TET3: variants seen among roughly 807,000 people sequenced by gnomAD.
TET3 encodes methylcytosine dioxygenase TET3.
TET3 carries 19 observed loss-of-function variants against 141.4 expected under a neutral mutation model. That is an observed-to-expected ratio of 0.13 (90% CI 0.09 to 0.20). TET3 has a LOEUF of 0.20. Ranked by LOEUF, TET3 falls within the 10% of genes least tolerant of loss-of-function variation. The probability of loss-of-function intolerance (pLI) is 1.00; values close to 1 mark genes in which losing one functional copy is unlikely to be tolerated. For missense variants in TET3, 1,874 were observed against 2,356.9 expected, an observed-to-expected ratio of 0.80 and a Z score of 4.24; for synonymous variants, 1,043 against 980.9, an observed-to-expected ratio of 1.06 and a Z score of -1.18.
intron 4 of TET3, among the ~76,000 whole-genome samples, chr2:74,060,108 T>C (rs1442219707): frequency 6.6e-6 from 1 of 152,226 alleles, no homozygotes; most frequent in Non-Finnish European, 1.5e-5. Flanking sequence ...AAAGTGGTTG[T>C]TACAGTTTAA....
chr2:74,008,494 C>A (rs1354936571), intron 3 of TET3, among the ~76,000 whole-genome samples: 1 of 152,150 alleles, frequency 6.6e-6, no homozygotes. Flanking sequence ...AGGCAGGGCA[C>A]CTTGAATTTT....
At chr2:74,086,861 A>C (rs1284395847) in intron 6 of TET3, among the ~76,000 whole-genome samples, 1 of 151,792 alleles carries the variant, frequency 6.6e-6, no homozygotes, top group African/African-American at 2.4e-5. Context: ...TTCAGTGTAC[A>C]GGTTGGTGGC....
At chr2:74,130,132 C>T in the TET3 span, among the ~76,000 whole-genome samples, 2 of 150,784 alleles carry the variant, frequency 1.3e-5, no homozygotes, top group Non-Finnish European at 2.9e-5. Context: ...AGTATAGACA[C>T]TTGGGTTCAC....
rs190621770 is a variant in TET3 at position 74,014,144 on chromosome 2, C to G, written c.360+10978C>G. ...CTAAAGTATTAATTTCTACTGTAGT[C>G]TTATATAAATTGTCATCTTTTCCTT... On this transcript the variant is annotated intron_variant, in intron 3 of 11. Transcript: ENST00000409262. Among the ~76,000 whole-genome samples the G allele has an allele frequency of 1.7e-4, 26 of 152,128 alleles. 1 individual carries two copies. Among genetic ancestry groups the G allele is most frequent in the Admixed American group, 1.3e-3 (20 of 15,274 alleles).
chr2:73,985,428 G>A (rs1683966853), intron 1 of TET3, among the ~76,000 whole-genome samples: 1 of 144,382 alleles, frequency 6.9e-6, no homozygotes, highest in South Asian at 2.1e-4. Context: ...CGCGCGGCCC[G>A]GCCCGCGGCT....
chr2:74,112,256 T>A (rs149781540), downstream of TET3, among the ~76,000 whole-genome samples: 1 of 152,262 alleles, frequency 6.6e-6, no homozygotes, highest in Non-Finnish European at 1.5e-5. Flanking sequence ...GTCTTTTATC[T>A]GATTATCTCC....
intron 3 of TET3, among the ~76,000 whole-genome samples, chr2:74,008,872 C>T (rs1305540120): frequency 6.6e-6 from 1 of 152,138 alleles, no homozygotes; most frequent in Admixed American, 6.5e-5. Context: ...CCTCCGAGGC[C>T]TGGAACTTTT....
rs148928444 is a variant in TET3 at position 74,018,682 on chromosome 2, T to C, written c.360+15516T>C. Among the ~76,000 whole-genome samples, 18 of 152,126 alleles carry C rather than the reference T, an allele frequency of 1.2e-4. 1 individual carries two copies. The highest frequency in any genetic ancestry group is 3.9e-4 in the African/African-American group (16 of 41,382). ...ATTGACTTATTTGTCTGATTCTGTG[T>C]ATTTCATTGTTTTAATTACCACCAT... On this transcript the variant is annotated intron_variant, in intron 3 of 11. Coordinates refer to ENST00000409262, the MANE Select transcript of TET3 (RefSeq NM_001287491.2).
chr2:74,025,384 C>G (rs1440264493), intron 3 of TET3, among the ~76,000 whole-genome samples: 2 of 150,548 alleles, frequency 1.3e-5, no homozygotes, highest in Non-Finnish European at 3.0e-5. Context: ...TGCCTCCCGG[C>G]TTCACGCCAT....
At chr2:73,995,239 C>T (rs979684218) in intron 2 of TET3, among the ~76,000 whole-genome samples, 1 of 152,346 alleles carries the variant, frequency 6.6e-6, no homozygotes. Flanking sequence ...AGATTATAGG[C>T]GTGAGCCACT....
At chr2:74,090,087 C>T in intron 8 of TET3, 40 bp downstream of exon 8, 1 of 1,606,762 alleles carries the variant, frequency 6.2e-7, no homozygotes. Flanking sequence ...CCCATCCTTT[C>T]TCGCCTGGCG....
At chr2:74,003,424 GT>G (rs768499958) in intron 3 of TET3, among the ~76,000 whole-genome samples, 17,328 of 130,022 alleles carry the variant, frequency 0.13, 902 homozygotes, top group African/African-American at 0.15. Flanking sequence ...TTGTTGAACT[GT>G]TTTTTTTTTT....
At chr2:74,035,141 G>A (rs1314261514) in intron 3 of TET3, among the ~76,000 whole-genome samples, 2 of 148,046 alleles carry the variant, frequency 1.4e-5, no homozygotes, top group African/African-American at 5.0e-5. Flanking sequence ...GGCGGAGCTT[G>A]CAGTGAGCCA....
At position 74,037,688 on chromosome 2, in the gene TET3, T is replaced by C. The variant is rs544295405; in HGVS notation, c.361-8590T>C. On this transcript the variant is annotated intron_variant, in intron 3 of 11. Transcript: ENST00000409262. Reference sequence around the variant, plus strand: ...CTTCTTGGACATGGTTCTTCTAATATGGTGTGTAACTGCTGACAGTCAGCA... The same window carrying C: ...CTTCTTGGACATGGTTCTTCTAATACGGTGTGTAACTGCTGACAGTCAGCA... Among the ~76,000 whole-genome samples, 147 of 152,334 alleles carry C rather than the reference T, an allele frequency of 9.6e-4. 1 individual carries two copies. The highest frequency in any genetic ancestry group is 3.4e-3 in the African/African-American group (143 of 41,568).
chr2:74,079,247 T>C (rs1689675479), intron 5 of TET3, among the ~76,000 whole-genome samples: 1 of 152,104 alleles, frequency 6.6e-6, no homozygotes. Context: ...CTCGGGAGGC[T>C]GAGGCAGAGA....
At position 74,003,849 on chromosome 2, in the gene TET3, C is replaced by A. The variant is rs868803825; in HGVS notation, c.360+683C>A. Among the ~76,000 whole-genome samples, 9 of 110,674 alleles carry A rather than the reference C, an allele frequency of 8.1e-5. No homozygotes were observed. The South Asian group carries it at 1.1e-3, about 14-fold the overall frequency. The allele number at this position is 110,674 out of a possible 152,430, so 72.6% of individuals were successfully genotyped here. A position where few individuals can be genotyped will look rare whatever the true frequency, so the allele number is the denominator to read the frequency against. On this transcript the variant is annotated intron_variant, in intron 3 of 11. Transcript: ENST00000409262. ...GCACTGAGCTTCTCCTTGTGGTTGT[C>A]TGGGGGGCGGGGAGCTGGGGTGTTT... is the stretch of plus-strand genomic sequence containing the variant.
At chr2:74,130,298 C>T in the TET3 span, among the ~76,000 whole-genome samples, 24 of 152,256 alleles carry the variant, frequency 1.6e-4, no homozygotes, top group African/African-American at 5.5e-4. Flanking sequence ...AGTTCACAGC[C>T]ACAGGGTATC....
At position 74,046,770 on chromosome 2, in the gene TET3, T is replaced by A; in HGVS notation, c.853T>A (p.Trp285Arg). The change falls in exon 4 of 12, where the codon TGG (tryptophan) becomes AGG (arginine). Residue 285 changes from tryptophan to arginine, a missense_variant. Physicochemically the swap from Trp to Arg is moderately radical, Grantham distance 101. Around this residue, in one of 10 missense-constraint regions of TET3, gnomAD observed 366 missense variants for 487.0 expected, o/e 0.75. Transcript: ENST00000409262. This position sits in a 1 kb window ranked among gnomAD's most constrained non-coding sequence, Gnocchi z 4.3. The part of the protein sequence containing the change: ...DGPECPDYLE[W>R]LEGKIKSVVM... ...CCCAGAATGCCCTGACTACCTCGAG[T>A]GGCTGGAGGGGAAGATCAAGTCTGT... 1 of 1,613,326 alleles carries A rather than the reference T, an allele frequency of 6.2e-7. No homozygotes were observed. The highest frequency in any genetic ancestry group is 1.1e-5 in the South Asian group (1 of 91,056).
chr2:74,011,370 G>A lies in TET3; in HGVS notation c.360+8204G>A, dbSNP rs527882742. Among the ~76,000 whole-genome samples the A allele has an allele frequency of 5.3e-5, 8 of 152,238 alleles. No homozygotes were observed. The South Asian group carries it at 6.2e-4, about 12-fold the overall frequency. On this transcript the variant is annotated intron_variant, in intron 3 of 11. Transcript: ENST00000409262. Reference sequence around the variant, plus strand: ...ATCAAGAAATAAGTACCTTCACCCCGTTCCCATTGCCTAGAATTTCTACGG... The same window carrying A: ...ATCAAGAAATAAGTACCTTCACCCCATTCCCATTGCCTAGAATTTCTACGG...
Sources: gnomAD v4.1 joint callset for allele counts (sites outside exome capture counted in the v4.1 genomes callset) on GRCh38, gnomAD v4.1.1 for gene constraint, gnomAD v4.1.1 regional missense constraint, Gnocchi (gnomAD v3.1) non-coding constraint, MANE v1.5 for transcripts, NCBI Gene and HGNC (gene_info 2026-07-23, HGNC 2026-07-21) for gene names.